LYPD6: variants seen among roughly 807,000 people sequenced by gnomAD.
LYPD6 encodes the protein LY6/PLAUR domain containing 6, also known as ly6/PLAUR domain-containing protein 6.
Under a neutral mutation model 22.7 loss-of-function variants are expected in LYPD6, and 15 were observed. The observed-to-expected ratio is 0.66, with a 90% confidence interval of 0.44 to 1.02. The LOEUF (loss-of-function observed/expected upper bound fraction) is 1.02. LYPD6 is among the 50% of genes least tolerant of loss of function. The probability of loss-of-function intolerance (pLI) is 0.00; values close to 1 mark genes in which losing one functional copy is unlikely to be tolerated. For missense variants in LYPD6, 189 were observed against 208.4 expected, an observed-to-expected ratio of 0.91 and a Z score of 0.57; for synonymous variants, 72 against 77.5, an observed-to-expected ratio of 0.93 and a Z score of 0.37.
intron 1 of LYPD6, among the ~76,000 whole-genome samples, chr2:149,371,650 C>T (rs932313739): frequency 6.6e-5 from 10 of 152,172 alleles, no homozygotes; most frequent in South Asian, 2.1e-4. Flanking sequence ...GTGCCTCACA[C>T]GTGCCTGGAA....
intron 1 of LYPD6, among the ~76,000 whole-genome samples, chr2:149,400,175 C>T (rs982230820): frequency 3.9e-5 from 6 of 152,218 alleles, no homozygotes; most frequent in African/African-American, 1.4e-4. Context: ...GCGTGCGCTG[C>T]GTTGGCAGCA....
At chr2:149,383,296 C>T (rs541672463) in intron 1 of LYPD6, among the ~76,000 whole-genome samples, 80 of 152,204 alleles carry the variant, frequency 5.3e-4, no homozygotes, top group African/African-American at 1.8e-3. Flanking sequence ...ACAGAGTGTT[C>T]ATTTTGTAAT....
Position 149,341,056 on chromosome 2 carries a change from G to C in LYPD6, c.-72+10334G>C, listed in dbSNP as rs1573728212. Among the ~76,000 whole-genome samples the C allele has an allele frequency of 2.0e-5, 3 of 152,138 alleles. No homozygotes were observed. The South Asian group carries it at 6.2e-4, about 32-fold the overall frequency. ...AGAAGTAATATCCTGCGTTTATATA[G>C]TGGCTTTTCATGGAAGATCAAAGGA... On this transcript the variant is annotated intron_variant, in intron 1 of 4. Coordinates refer to ENST00000334166, the MANE Select transcript of LYPD6 (RefSeq NM_194317.5).
At chr2:149,483,014 T>A in the LYPD6 span, among the ~76,000 whole-genome samples, 1 of 152,176 alleles carries the variant, frequency 6.6e-6, no homozygotes, top group African/African-American at 2.4e-5. Flanking sequence ...CTACTTCAGT[T>A]CCCTGTGTCT....
intron 4 of LYPD6, 37 bp downstream of exon 4, chr2:149,468,812 C>A (rs766839695): frequency 1.2e-6 from 2 of 1,605,998 alleles, no homozygotes; most frequent in Non-Finnish European, 1.7e-6. Context: ...TACTACATAG[C>A]CAGCTGCCTT....
At chr2:149,407,294 G>A (rs1455842147) in intron 1 of LYPD6, among the ~76,000 whole-genome samples, 2 of 152,138 alleles carry the variant, frequency 1.3e-5, no homozygotes, top group Admixed American at 6.5e-5. Flanking sequence ...TGCCAGATTG[G>A]GGAAGTTCTC....
chr2:149,385,961 G>C (rs1682175124), intron 1 of LYPD6, among the ~76,000 whole-genome samples: 1 of 152,086 alleles, frequency 6.6e-6, no homozygotes, highest in East Asian at 1.9e-4. Flanking sequence ...CTGTTCCCCA[G>C]GTATGGTTAA....
Position 149,473,992 on chromosome 2 carries a change from T to C in LYPD6, c.*3142T>C, listed in dbSNP as rs1681402869. On this transcript the variant is annotated 3_prime_UTR_variant, in exon 5 of 5. Coordinates refer to ENST00000334166, the MANE Select transcript of LYPD6 (RefSeq NM_194317.5). Reference sequence around the variant, plus strand: ...TTAAAATCGTATTCTATTTTGGGGGTTGTGTTAATGATGATGAACCAGAAA... The same window carrying C: ...TTAAAATCGTATTCTATTTTGGGGGCTGTGTTAATGATGATGAACCAGAAA... The C allele has an allele frequency of 6.6e-6, 1 of 152,046 alleles. No individual in the cohort carries two copies. Among genetic ancestry groups the C allele is most frequent in the Non-Finnish European group, 1.5e-5 (1 of 68,012 alleles). 9.4% of individuals were successfully genotyped at this position (152,046 alleles called of 1,614,324 possible).
At chr2:149,445,759 A>G (rs1471801638) in intron 2 of LYPD6, among the ~76,000 whole-genome samples, 1 of 152,218 alleles carries the variant, frequency 6.6e-6, no homozygotes, top group African/African-American at 2.4e-5. Context: ...TCTTCTATCC[A>G]GACCACTCAA....
intron 1 of LYPD6, among the ~76,000 whole-genome samples, chr2:149,347,172 GAA>G (rs147054592): frequency 0.018 from 2,785 of 152,098 alleles, 92 homozygotes; most frequent in African/African-American, 0.064. Context: ...AAGAAGAAGA[GAA>G]AGAGGAGGAG....
At chr2:149,354,012 T>C (rs1208941299) in intron 1 of LYPD6, among the ~76,000 whole-genome samples, 1 of 152,110 alleles carries the variant, frequency 6.6e-6, no homozygotes, top group Non-Finnish European at 1.5e-5. Flanking sequence ...CATGAGAACA[T>C]ATAACTAGTG....
At chr2:149,367,064 GTCAA>G (rs1681687136) in intron 1 of LYPD6, among the ~76,000 whole-genome samples, 2 of 152,144 alleles carry the variant, frequency 1.3e-5, no homozygotes, top group East Asian at 3.9e-4. Context: ...GTGCTAGACT[GTCAA>G]TCAGGATAAA....
At chr2:149,474,408 A>G (rs1482076374), downstream of LYPD6, among the ~76,000 whole-genome samples, 1 of 152,022 alleles carries the variant, frequency 6.6e-6, no homozygotes, top group Non-Finnish European at 1.5e-5. Context: ...GGATCCAACT[A>G]TGTTGCCCAG....
the LYPD6 span, among the ~76,000 whole-genome samples, chr2:149,482,553 T>A: frequency 1.3e-5 from 2 of 152,192 alleles, no homozygotes; most frequent in African/African-American, 4.8e-5. Context: ...CTTTCTCATG[T>A]TTCTTCAGAC....
At chr2:149,383,363 T>C (rs1029207766) in intron 1 of LYPD6, among the ~76,000 whole-genome samples, 8 of 152,202 alleles carry the variant, frequency 5.3e-5, no homozygotes, top group Admixed American at 1.3e-4. Context: ...TTGATTATTG[T>C]TAAAATTCAG....
intron 1 of LYPD6, among the ~76,000 whole-genome samples, chr2:149,365,466 G>A (rs1157321047): frequency 3.3e-5 from 5 of 152,080 alleles, no homozygotes; most frequent in African/African-American, 4.8e-5. Flanking sequence ...TTTGGCTTTC[G>A]CTAGTTCTGC....
intron 1 of LYPD6, among the ~76,000 whole-genome samples, chr2:149,402,324 T>C (rs968811648): frequency 1.3e-5 from 2 of 152,140 alleles, no homozygotes; most frequent in African/African-American, 4.8e-5. Flanking sequence ...TTTTTACAAT[T>C]ACAAATTGTG....
intron 1 of LYPD6, among the ~76,000 whole-genome samples, chr2:149,413,851 C>A (rs537563168): frequency 6.6e-6 from 1 of 152,162 alleles, no homozygotes; most frequent in Non-Finnish European, 1.5e-5. Flanking sequence ...AGAACAATTA[C>A]CAAGTCTACT....
chr2:149,401,454 G>C (rs1682553570), intron 1 of LYPD6, among the ~76,000 whole-genome samples: 2 of 152,186 alleles, frequency 1.3e-5, no homozygotes, highest in Non-Finnish European at 1.5e-5. Flanking sequence ...TCATCTGGAA[G>C]GCTCTGTCTG....
Sources: allele counts gnomAD v4.1 joint callset (sites outside exome capture counted in the v4.1 genomes callset), GRCh38; gene constraint gnomAD v4.1.1; transcripts MANE v1.5; gene names NCBI Gene and HGNC (gene_info 2026-07-23, HGNC 2026-07-21).